Variants in NOL4L observed in about 807,000 individuals in gnomAD.
The protein encoded by NOL4L is nucleolar protein 4 like, also known as nucleolar protein 4-like.
NOL4L carries 7 observed loss-of-function variants against 64.5 expected under a neutral mutation model. The ratio of observed to expected loss-of-function variants is 0.11; its 90% CI spans 0.06 to 0.20. The LOEUF is 0.20. Ranked by LOEUF, NOL4L falls within the 10% of genes least tolerant of loss-of-function variation. The pLI is 1.00. For missense variants in NOL4L, 680 were observed against 967.1 expected (o/e 0.70, Z 3.94); for synonymous variants, 413 against 401.0 (o/e 1.03, Z -0.36).
intron 1 of NOL4L, among the ~76,000 whole-genome samples, chr20:32,550,303 A>G (rs1202667476): frequency 5.9e-5 from 9 of 152,132 alleles, no homozygotes; most frequent in Non-Finnish European, 1.3e-4. Context: ...CTGGAGTGCA[A>G]TGGTGCGATC....
At chr20:32,485,078 A>AAAAAAAAAAAAC (rs1568643165) in intron 4 of NOL4L, among the ~76,000 whole-genome samples, 2 of 147,716 alleles carry the variant, frequency 1.4e-5, no homozygotes, top group African/African-American at 5.0e-5. Flanking sequence ...AAAAAAAAAA[A>AAAAAAAAAAAAC]AAAAAAAAAC....
chr20:32,470,649 C>T (rs2014943976), intron 5 of NOL4L, among the ~76,000 whole-genome samples: 2 of 152,234 alleles, frequency 1.3e-5, no homozygotes, highest in Admixed American at 1.3e-4. Flanking sequence ...CTGTTCAGAC[C>T]CAAAAGAAAG....
rs904520152 is a variant in NOL4L at position 32,445,190 on chromosome 20, T to C, written c.*2406A>G. On this transcript the variant is annotated 3_prime_UTR_variant, in exon 11 of 11. Coordinates refer to ENST00000621426, the MANE Select transcript of NOL4L (RefSeq NM_001256798.2). ...TGAAAACACATTGAACCTACGCTCT[T>C]GCCGCAGTACTAAGGCAGGCTGGAG... is the stretch of plus-strand genomic sequence containing the variant. 1 of 152,240 alleles carries C rather than the reference T, an allele frequency of 6.6e-6. No homozygotes were observed. Among genetic ancestry groups the C allele is most frequent in the Non-Finnish European group, 1.5e-5 (1 of 68,036 alleles). The allele number at this position is 152,240 out of a possible 1,614,324, so 9.4% of individuals were successfully genotyped here.
At chr20:32,569,008 C>G (rs1979603948) in intron 1 of NOL4L, among the ~76,000 whole-genome samples, 1 of 152,230 alleles carries the variant, frequency 6.6e-6, no homozygotes, top group Admixed American at 6.5e-5. Context: ...AAAATATACA[C>G]TGAGTGCTAG....
At chr20:32,566,528 G>C (rs1046721949) in intron 1 of NOL4L, among the ~76,000 whole-genome samples, 4 of 152,126 alleles carry the variant, frequency 2.6e-5, no homozygotes, top group Non-Finnish European at 5.9e-5. Flanking sequence ...CCAAATACAG[G>C]GGGTGGGAGG....
chr20:32,535,915 TG>T (rs1318005785), intron 1 of NOL4L: 1 of 985,478 alleles, frequency 1.0e-6, no homozygotes, highest in Non-Finnish European at 1.2e-6. Context: ...GGCCAGGGTC[TG>T]GGCCTGGCTG....
At chr20:32,482,597 G>A (rs2015802006) in intron 4 of NOL4L, among the ~76,000 whole-genome samples, 1 of 151,976 alleles carries the variant, frequency 6.6e-6, no homozygotes. Flanking sequence ...CCTCGAGGCG[G>A]CCGGCTGCCC....
At chr20:32,452,162 G>A (rs974608839) in intron 10 of NOL4L, 74 bp downstream of exon 10, 8 of 1,324,856 alleles carry the variant, frequency 6.0e-6, no homozygotes, top group East Asian at 5.5e-5. Flanking sequence ...TCCCCATTCC[G>A]CTGCCCAGGG....
chr20:32,499,185 T>A lies in NOL4L; in HGVS notation c.699+12162A>T, dbSNP rs185061715. ...AGCCACTGCTCCTGGCCAAAAAAAA[T>A]TTTTTTTTAAATAAATGCCCTATTT... On this transcript the variant is annotated intron_variant, in intron 4 of 10. Transcript: ENST00000621426. 1.0e-3 allele frequency among the ~76,000 whole-genome samples: 155 copies of A among 151,666 alleles called. 2 individuals carry two copies. The East Asian group carries it at 0.012, about 11-fold the overall frequency.
intron 10 of NOL4L, among the ~76,000 whole-genome samples, chr20:32,449,411 C>T (rs2012647459): frequency 6.6e-6 from 1 of 152,236 alleles, no homozygotes; most frequent in African/African-American, 2.4e-5. Flanking sequence ...GAAGTAACAT[C>T]TTGGGATAAA....
chr20:32,467,978 T>C (rs1245998110), intron 5 of NOL4L, among the ~76,000 whole-genome samples: 1 of 151,940 alleles, frequency 6.6e-6, no homozygotes, highest in Non-Finnish European at 1.5e-5. Flanking sequence ...CCAGTTTGCA[T>C]TTCTGGGTGG....
chr20:32,486,735 C>A (rs1369666000), intron 4 of NOL4L: 1 of 471,242 alleles, frequency 2.1e-6, no homozygotes, highest in Admixed American at 2.3e-5. Context: ...CCAATCAAGT[C>A]ATCAAATTCA....
At chr20:32,477,746 C>A (rs1465466050) in intron 4 of NOL4L, among the ~76,000 whole-genome samples, 2 of 152,248 alleles carry the variant, frequency 1.3e-5, no homozygotes, top group African/African-American at 4.8e-5. Context: ...CCTCCTGCCG[C>A]TGCCAGCCAC....
chr20:32,499,317 GTT>G (rs2016825064), intron 4 of NOL4L, among the ~76,000 whole-genome samples: 1 of 152,176 alleles, frequency 6.6e-6, no homozygotes, highest in Non-Finnish European at 1.5e-5. Context: ...GTCCACCTCT[GTT>G]TGTCAGTGAA....
At chr20:32,574,912 C>T (rs1468500225) in intron 1 of NOL4L, among the ~76,000 whole-genome samples, 6 of 152,066 alleles carry the variant, frequency 3.9e-5, no homozygotes, top group Non-Finnish European at 7.4e-5. Flanking sequence ...TTTCCTAAAC[C>T]ACTCTTCCCA....
chr20:32,564,828 C>T (rs1459912521), intron 1 of NOL4L, among the ~76,000 whole-genome samples: 2 of 152,272 alleles, frequency 1.3e-5, no homozygotes, highest in Non-Finnish European at 2.9e-5. Context: ...GCGGCTAGAG[C>T]CTGGGGCCAG....
intron 1 of NOL4L, chr20:32,537,083 C>G (rs1325848633): frequency 1.0e-6 from 1 of 985,158 alleles, no homozygotes; most frequent in Admixed American, 6.2e-5. Flanking sequence ...CGCTGCCCAC[C>G]TGTCCTTTGT....
At chr20:32,566,409 C>T (rs973563047) in intron 1 of NOL4L, among the ~76,000 whole-genome samples, 1 of 142,404 alleles carries the variant, frequency 7.0e-6, no homozygotes, top group African/African-American at 2.5e-5. Flanking sequence ...CCCAGCCCCA[C>T]CTACAAGGTT....
intron 4 of NOL4L, among the ~76,000 whole-genome samples, chr20:32,499,279 A>G (rs987175028): frequency 1.3e-5 from 2 of 152,148 alleles, no homozygotes; most frequent in African/African-American, 4.8e-5. Flanking sequence ...CGATCCTGAC[A>G]CTGGGCTCAT....
Sources: allele counts gnomAD v4.1 joint callset (sites outside exome capture counted in the v4.1 genomes callset), GRCh38; gene constraint gnomAD v4.1.1; transcripts MANE v1.5; gene names NCBI Gene and HGNC (gene_info 2026-07-23, HGNC 2026-07-21).